ZNF512: variants seen among roughly 807,000 people sequenced by gnomAD.
ZNF512 encodes the protein zinc finger protein 512.
Under a neutral mutation model 77.5 loss-of-function variants are expected in ZNF512, and 25 were observed. The observed-to-expected ratio is 0.32, with a 90% CI of 0.23 to 0.45. ZNF512 has a LOEUF of 0.45. Among genes scored for constraint, ZNF512 ranks in the 20% least tolerant of loss-of-function variants. The probability of loss-of-function intolerance (pLI) is 1.00; values close to 1 mark genes in which losing one functional copy is unlikely to be tolerated. For missense variants in ZNF512, 483 were observed against 692.6 expected, an observed-to-expected ratio of 0.70 and a Z score of 3.40; for synonymous variants, 246 against 239.9, an observed-to-expected ratio of 1.03 and a Z score of -0.24.
intron 10 of ZNF512, among the ~76,000 whole-genome samples, chr2:27,609,964 C>T (rs1197803687): frequency 6.6e-6 from 1 of 151,948 alleles, no homozygotes; most frequent in East Asian, 1.9e-4. Flanking sequence ...TCGTTTGAAA[C>T]TGAGAGGCGG....
At chr2:27,593,532 G>A (rs565974968) in intron 2 of ZNF512, among the ~76,000 whole-genome samples, 88 of 152,234 alleles carry the variant, frequency 5.8e-4, no homozygotes, top group Admixed American at 1.2e-3. Context: ...GAGGTGAGAG[G>A]ATCACTTGAG....
At chr2:27,600,566 C>A in intron 5 of ZNF512, 125 bp from the exon 6 acceptor site, 1 of 1,135,422 alleles carries the variant, frequency 8.8e-7, no homozygotes, top group Non-Finnish European at 1.2e-6. Context: ...GCAAGAGCCT[C>A]TTCATCGCAG....
At chr2:27,585,373 A>G (rs1671281665) in intron 2 of ZNF512, among the ~76,000 whole-genome samples, 2 of 152,254 alleles carry the variant, frequency 1.3e-5, no homozygotes, top group Admixed American at 1.3e-4. Context: ...AAGTGGTTAG[A>G]GCAATGTTTC....
intron 10 of ZNF512, among the ~76,000 whole-genome samples, chr2:27,614,113 C>T (rs111372134): frequency 4.1e-4 from 62 of 152,276 alleles, no homozygotes; most frequent in African/African-American, 1.4e-3. Context: ...ACCTTCCTTA[C>T]TTCCTCCATT....
intron 10 of ZNF512, among the ~76,000 whole-genome samples, chr2:27,609,208 G>C (rs1385216386): frequency 6.6e-6 from 1 of 152,054 alleles, no homozygotes; most frequent in African/African-American, 2.4e-5. Flanking sequence ...AGTGGTAGGT[G>C]TGCACTCCTG....
rs1673123616 is a variant in ZNF512, at chr2:27,621,537, G to T, written c.*76G>T. On this transcript the variant is annotated 3_prime_UTR_variant, in exon 14 of 14. Coordinates refer to ENST00000355467, the MANE Select transcript of ZNF512 (RefSeq NM_032434.4). ...CGGGGACCTGTGCTGGGAGGACTGA[G>T]TGAAGATTCTTTCAGCTGTTTGTGT... is the stretch of plus-strand genomic sequence containing the variant. The T allele has an allele frequency of 7.0e-7, 1 of 1,421,120 alleles. No individual in the cohort carries two copies. Among genetic ancestry groups the T allele is most frequent in the East Asian group, 2.4e-5 (1 of 41,382 alleles). 88.0% of individuals were successfully genotyped at this position (1,421,120 alleles called of 1,614,324 possible).
intron 2 of ZNF512, among the ~76,000 whole-genome samples, chr2:27,584,477 T>G (rs2147996797): frequency 1.3e-5 from 2 of 152,342 alleles, no homozygotes; most frequent in South Asian, 4.1e-4. Flanking sequence ...ATGTTTGCTG[T>G]GCGCCAGTTC....
At chr2:27,583,377 C>A in intron 1 of ZNF512, 1 of 1,372,212 alleles carries the variant, frequency 7.3e-7, no homozygotes, top group Non-Finnish European at 9.6e-7. Context: ...CCTTTTACAT[C>A]CCCAATGTCT....
intron 10 of ZNF512, among the ~76,000 whole-genome samples, chr2:27,614,595 G>T (rs1181446023): frequency 1.3e-5 from 2 of 151,374 alleles, no homozygotes; most frequent in African/African-American, 4.9e-5. Context: ...GGAGAATGGC[G>T]TGAACCCAGG....
intron 9 of ZNF512, among the ~76,000 whole-genome samples, chr2:27,604,115 C>T (rs866591532): frequency 3.3e-5 from 5 of 151,478 alleles, no homozygotes; most frequent in East Asian, 2.0e-4. Flanking sequence ...TTATTAGAGA[C>T]GGGGTTTCAC....
intron 2 of ZNF512, among the ~76,000 whole-genome samples, chr2:27,591,020 A>G (rs1671550113): frequency 1.3e-5 from 2 of 152,124 alleles, no homozygotes; most frequent in Non-Finnish European, 2.9e-5. Flanking sequence ...CAAAATTTTA[A>G]AGATATTTCT....
chr2:27,619,468 C>A (rs1280369533), intron 13 of ZNF512, among the ~76,000 whole-genome samples: 2 of 152,056 alleles, frequency 1.3e-5, no homozygotes, highest in Admixed American at 1.3e-4. Context: ...TGTCTATTTT[C>A]TTCCTAAAAA....
At chr2:27,592,119 A>G (rs1483349427) in intron 2 of ZNF512, among the ~76,000 whole-genome samples, 1 of 151,842 alleles carries the variant, frequency 6.6e-6, no homozygotes, top group Admixed American at 6.6e-5. Flanking sequence ...CCTGCTGAGT[A>G]GCTGGGACTA....
At position 27,600,010 on chromosome 2, in the gene ZNF512, C is replaced by T. The variant is rs1672045397; in HGVS notation, c.414C>T (p.Ser138=). 1.2e-6 allele frequency: 2 copies of T among 1,614,022 alleles called. No homozygotes were observed. Among genetic ancestry groups the T allele is most frequent in the South Asian group, 1.1e-5 (1 of 91,086 alleles). The change falls in exon 5 of 14, where the codon TCC becomes TCT. Residue 138 remains serine, a synonymous_variant. Transcript: ENST00000355467. ...CTAAAACTCAGCCCAATCCCAAATC[C>T]CAGGCCCGTCGTATTCGGAAGGAAC... ...QRPKTQPNPK[S]QARRIRKEPP... is the part of the protein sequence containing the mutation.
chr2:27,621,221 G>A lies in ZNF512; in HGVS notation c.1464G>A (p.Gln488=), dbSNP rs148837887. 389 of 1,614,102 alleles carry A rather than the reference G, an allele frequency of 2.4e-4. No homozygotes were observed. Among genetic ancestry groups the A allele is most frequent in the Non-Finnish European group, 3.1e-4 (365 of 1,180,048 alleles). The stretch of plus-strand genomic sequence containing the variant: ...AGCTGATGAAGATAAAGCAGCGGCA[G>A]CAAGAAGAAGAAAAGCGGAGGCAGC... ...FEKLMKIKQR[Q]QEEEKRRQQH... Residue 488 remains glutamine, a synonymous_variant, in exon 14 of 14, where the codon CAG becomes CAA. Coordinates refer to ENST00000355467, the MANE Select transcript of ZNF512 (RefSeq NM_032434.4).
chr2:27,598,347 C>T (rs1003248454), intron 3 of ZNF512, 93 bp downstream of exon 3: 34 of 1,355,016 alleles, frequency 2.5e-5, no homozygotes, highest in Admixed American at 2.1e-4. Flanking sequence ...TATTAAATGG[C>T]GGCTGAGCGT....
At chr2:27,620,144 T>A (rs1483676126) in intron 13 of ZNF512, among the ~76,000 whole-genome samples, 1 of 152,156 alleles carries the variant, frequency 6.6e-6, no homozygotes, top group African/African-American at 2.4e-5. Flanking sequence ...TGTTAATAAT[T>A]ATTAAGCCCA....
At chr2:27,588,010 G>T (rs996041173) in intron 2 of ZNF512, among the ~76,000 whole-genome samples, 1 of 151,836 alleles carries the variant, frequency 6.6e-6, no homozygotes, top group Admixed American at 6.6e-5. Flanking sequence ...TTGGCCATTT[G>T]TGTGTCTACT....
intron 3 of ZNF512, among the ~76,000 whole-genome samples, chr2:27,598,457 G>A (rs1342725455): frequency 5.3e-5 from 8 of 151,988 alleles, no homozygotes; most frequent in South Asian, 2.1e-4. Flanking sequence ...GTGAAACCCC[G>A]TCTCTACTAA....
Sources: allele counts gnomAD v4.1 joint callset (sites outside exome capture counted in the v4.1 genomes callset), GRCh38; gene constraint gnomAD v4.1.1; transcripts MANE v1.5; gene names NCBI Gene and HGNC (gene_info 2026-07-23, HGNC 2026-07-21).